Variants in VSTM2L observed in about 807,000 individuals in gnomAD.
VSTM2L encodes V-set and transmembrane domain containing 2 like, also known as V-set and transmembrane domain-containing protein 2-like protein.
Under a neutral mutation model 19.9 loss-of-function variants are expected in VSTM2L, and 9 were observed. The ratio of observed to expected loss-of-function variants is 0.45; its 90% CI spans 0.27 to 0.79. The LOEUF (loss-of-function observed/expected upper bound fraction) is 0.79. VSTM2L is among the 30% of genes least tolerant of loss of function. The pLI is 0.15. For synonymous variants in VSTM2L, 127 were observed against 133.8 expected (o/e 0.95, Z 0.35); for missense variants, 286 against 295.5 (o/e 0.97, Z 0.24).
chr20:37,912,888 T>G (rs926439368), intron 1 of VSTM2L, among the ~76,000 whole-genome samples: 11 of 152,106 alleles, frequency 7.2e-5, no homozygotes, highest in African/African-American at 2.7e-4. Flanking sequence ...CTCTCTGATC[T>G]TTATCTCTTT....
chr20:37,929,363 C>T (rs1338604622), intron 1 of VSTM2L, among the ~76,000 whole-genome samples: 1 of 152,120 alleles, frequency 6.6e-6, no homozygotes. Flanking sequence ...GGAATGGCCT[C>T]CCATGGAAGG....
At chr20:37,913,649 G>A (rs2072793083) in intron 1 of VSTM2L, among the ~76,000 whole-genome samples, 1 of 152,222 alleles carries the variant, frequency 6.6e-6, no homozygotes, top group Non-Finnish European at 1.5e-5. Flanking sequence ...AGTCAGGGGA[G>A]ACTTCCTGGG....
At chr20:37,943,013 G>T (rs1338945313) in intron 3 of VSTM2L, among the ~76,000 whole-genome samples, 3 of 152,178 alleles carry the variant, frequency 2.0e-5, no homozygotes, top group Non-Finnish European at 4.4e-5. Flanking sequence ...CGCCCAGGCT[G>T]GAGTGCAGTG....
At position 37,944,066 on chromosome 20, in the gene VSTM2L, G is replaced by A. The variant is rs761393205; in HGVS notation, c.428G>A (p.Arg143His). The change falls in exon 4 of 4, where the codon CGC becomes CAC. Residue 143 changes from arginine (R) to histidine (H), a missense_variant. Transcript: ENST00000373461. ...KPTDEGTYECRVIDFSDGKAR... is the reference protein window; with the variant it reads ...KPTDEGTYECHVIDFSDGKAR... ...ACGGACGAAGGCACCTACGAGTGCC[G>A]CGTCATCGACTTCAGCGACGGCAAG... is the stretch of plus-strand genomic sequence containing the variant. 11 of 1,612,658 alleles carry A rather than the reference G, an allele frequency of 6.8e-6. No homozygotes were observed. In the Admixed American group the frequency reaches 8.3e-5, roughly 12 times the overall value.
At chr20:37,929,415 G>A (rs2072896374) in intron 1 of VSTM2L, among the ~76,000 whole-genome samples, 1 of 152,160 alleles carries the variant, frequency 6.6e-6, no homozygotes, top group African/African-American at 2.4e-5. Context: ...TTCAAGGCTT[G>A]CTGCAGCCTT....
chr20:37,914,869 G>A (rs62201726), intron 1 of VSTM2L, among the ~76,000 whole-genome samples: 13,676 of 152,260 alleles, frequency 0.09, 701 homozygotes, highest in Middle Eastern at 0.15. Flanking sequence ...CTCTTGGGAT[G>A]GGGGTGGGGT....
rs11907798 is a variant in VSTM2L at position 37,905,249 on chromosome 20, G to T, written c.121+1778G>T. 2.0e-5 allele frequency among the ~76,000 whole-genome samples: 3 copies of T among 152,030 alleles called. No individual in the cohort carries two copies. The East Asian group carries it at 5.8e-4, about 29-fold the overall frequency. On this transcript the variant is annotated intron_variant, in intron 1 of 3. Coordinates refer to ENST00000373461, the MANE Select transcript of VSTM2L (RefSeq NM_080607.3). Reference sequence around the variant, plus strand: ...TTACACTAGGAGGGGTTTCCATGGAGGGCCTTCCCTGAGTTTGCAGTCCCG... The same window carrying T: ...TTACACTAGGAGGGGTTTCCATGGATGGCCTTCCCTGAGTTTGCAGTCCCG...
At chr20:37,903,953 G>GCACA (rs200941414) in intron 1 of VSTM2L, among the ~76,000 whole-genome samples, 1 of 151,868 alleles carries the variant, frequency 6.6e-6, no homozygotes, top group African/African-American at 2.4e-5. Context: ...GCGCGCGCGC[G>GCACA]CACACACACA....
Position 37,903,366 on chromosome 20 carries a change from G to C in VSTM2L, c.16G>C (p.Ala6Pro). 3 of 1,471,548 alleles carry C rather than the reference G, an allele frequency of 2.0e-6. No homozygotes were observed. The highest frequency in any genetic ancestry group is 2.7e-6 in the Non-Finnish European group (3 of 1,117,504). The allele number at this position is 1,471,548 out of a possible 1,614,324, so 91.2% of individuals were successfully genotyped here. A position where few individuals can be genotyped will look rare whatever the true frequency, so the allele number is the denominator to read the frequency against. MGAPL[A>P]VALGALHYLA... The stretch of plus-strand genomic sequence containing the variant: ...AGAGCGCACGATGGGGGCCCCGCTC[G>C]CCGTAGCGCTGGGCGCCCTCCACTA... The change falls in exon 1 of 4, where the codon GCC (alanine) becomes CCC (proline). Residue 6 changes from alanine to proline, a missense_variant. By Grantham distance (27) the Ala-to-Pro change is conservative. Coordinates refer to ENST00000373461, the MANE Select transcript of VSTM2L (RefSeq NM_080607.3).
chr20:37,921,910 A>C (rs1166266099), intron 1 of VSTM2L, among the ~76,000 whole-genome samples: 4 of 132,806 alleles, frequency 3.0e-5, no homozygotes, highest in Admixed American at 1.8e-4. Context: ...TGGCGTGATC[A>C]TAGCCCACTG....
At chr20:37,913,388 T>A (rs1028108234) in intron 1 of VSTM2L, among the ~76,000 whole-genome samples, 27 of 152,270 alleles carry the variant, frequency 1.8e-4, no homozygotes, top group African/African-American at 6.5e-4. Flanking sequence ...GGGCTGGCCT[T>A]GGGACATGGG....
At chr20:37,931,599 T>G in intron 1 of VSTM2L, 36 bp from the exon 2 acceptor site, 1 of 1,575,410 alleles carries the variant, frequency 6.3e-7, no homozygotes. Context: ...CGTGGTTTCC[T>G]GAGCCCCGCC....
At chr20:37,922,789 A>T (rs1187282333) in intron 1 of VSTM2L, among the ~76,000 whole-genome samples, 5 of 152,142 alleles carry the variant, frequency 3.3e-5, no homozygotes, top group South Asian at 4.1e-4. Flanking sequence ...CCTGTGCTGG[A>T]TGAGCCCCTG....
chr20:37,935,884 A>ATTT (rs11086387), intron 3 of VSTM2L, among the ~76,000 whole-genome samples: 2 of 138,290 alleles, frequency 1.4e-5, no homozygotes, highest in Non-Finnish European at 3.1e-5. Context: ...CCATACACAG[A>ATTT]TTTTTTTTTT....
intron 3 of VSTM2L, among the ~76,000 whole-genome samples, chr20:37,939,136 G>A (rs913932305): frequency 1.3e-5 from 2 of 152,174 alleles, no homozygotes; most frequent in Non-Finnish European, 2.9e-5. Context: ...TGGGCGCGGT[G>A]GCTCACGCTT....
chr20:37,943,000 T>C (rs1044633002), intron 3 of VSTM2L, among the ~76,000 whole-genome samples: 1 of 152,240 alleles, frequency 6.6e-6, no homozygotes, highest in Non-Finnish European at 1.5e-5. Context: ...AGTCTCGCGC[T>C]GTCGCCCAGG....
intron 3 of VSTM2L, among the ~76,000 whole-genome samples, chr20:37,935,472 A>C: frequency 6.6e-6 from 1 of 150,804 alleles, no homozygotes; most frequent in Non-Finnish European, 1.5e-5. Context: ...GCCTGACCTC[A>C]CCCCCCTTCC....
chr20:37,912,378 A>G (rs1268293877), intron 1 of VSTM2L, among the ~76,000 whole-genome samples: 1 of 152,350 alleles, frequency 6.6e-6, no homozygotes, highest in Admixed American at 6.5e-5. Context: ...CCAAAAGTCT[A>G]GGCTCTGCGT....
At chr20:37,938,742 T>C (rs2072954692) in intron 3 of VSTM2L, among the ~76,000 whole-genome samples, 1 of 152,196 alleles carries the variant, frequency 6.6e-6, no homozygotes, top group Non-Finnish European at 1.5e-5. Flanking sequence ...TACAGCTGGG[T>C]CGCCATGCGG....
Sources: allele counts gnomAD v4.1 joint callset (sites outside exome capture counted in the v4.1 genomes callset), GRCh38; gene constraint gnomAD v4.1.1; transcripts MANE v1.5; gene names NCBI Gene and HGNC (gene_info 2026-07-23, HGNC 2026-07-21).